Variants in SEMA6D observed in about 807,000 individuals in gnomAD.
SEMA6D encodes semaphorin-6D.
SEMA6D carries 35 observed loss-of-function variants against 106.6 expected under a neutral mutation model. That is an observed-to-expected ratio of 0.33 (90% CI 0.25 to 0.44). SEMA6D has a LOEUF of 0.44. SEMA6D is among the 20% of genes least tolerant of loss of function. SEMA6D has a pLI of 1.00. For synonymous variants in SEMA6D, 499 were observed against 487.7 expected, an observed-to-expected ratio of 1.02 and a Z score of -0.31; for missense variants, 1,185 against 1,345.9, an observed-to-expected ratio of 0.88 and a Z score of 1.87.
At chr15:47,330,937 T>C (rs765997635) in intron 1 of SEMA6D, among the ~76,000 whole-genome samples, 1 of 152,160 alleles carries the variant, frequency 6.6e-6, no homozygotes, top group Non-Finnish European at 1.5e-5. Context: ...TATGAAAGGA[T>C]GAGACACTAT....
chr15:47,666,866 C>T (rs188281816), intron 4 of SEMA6D, among the ~76,000 whole-genome samples: 4 of 152,310 alleles, frequency 2.6e-5, no homozygotes, highest in Non-Finnish European at 5.9e-5. Context: ...ATGGCTCTTA[C>T]ACGACCCTAA....
At chr15:47,524,174 G>A (rs1029383118) in intron 3 of SEMA6D, among the ~76,000 whole-genome samples, 2 of 152,002 alleles carry the variant, frequency 1.3e-5, no homozygotes, top group African/African-American at 4.8e-5. Context: ...ATGTCTCCTC[G>A]CCGACAAGAT....
At chr15:47,603,638 T>C (rs2076711748) in intron 4 of SEMA6D, among the ~76,000 whole-genome samples, 1 of 152,124 alleles carries the variant, frequency 6.6e-6, no homozygotes, top group Non-Finnish European at 1.5e-5. Flanking sequence ...AAGTTACAAA[T>C]GTGCGAAAAG....
At chr15:47,244,660 C>T (rs1028370262) in intron 1 of SEMA6D, among the ~76,000 whole-genome samples, 5 of 152,148 alleles carry the variant, frequency 3.3e-5, no homozygotes, top group African/African-American at 1.2e-4. Context: ...GGCACTGAAC[C>T]TGCCTGCCTA....
chr15:47,723,845 G>C (rs1254547317), intron 1 of SEMA6D, among the ~76,000 whole-genome samples: 1 of 152,162 alleles, frequency 6.6e-6, no homozygotes, highest in African/African-American at 2.4e-5. Flanking sequence ...CAATATGTTG[G>C]TACATATATA....
chr15:47,552,402 A>G (rs918537107), intron 3 of SEMA6D, among the ~76,000 whole-genome samples: 4 of 151,776 alleles, frequency 2.6e-5, no homozygotes, highest in African/African-American at 9.7e-5. Flanking sequence ...ATGGCTCTCA[A>G]TGTACTTTTT....
chr15:47,589,167 T>C (rs567523637), intron 3 of SEMA6D, among the ~76,000 whole-genome samples: 1 of 152,268 alleles, frequency 6.6e-6, no homozygotes, highest in South Asian at 2.1e-4. Context: ...CCCGGCAGGC[T>C]TCCTTCAGGG....
chr15:47,280,067 T>G (rs2035039140), intron 1 of SEMA6D, among the ~76,000 whole-genome samples: 1 of 151,596 alleles, frequency 6.6e-6, no homozygotes, highest in South Asian at 2.1e-4. Context: ...GGATTCCCTC[T>G]TTTTCTATTG....
chr15:47,463,346 A>C (rs2042567926), intron 2 of SEMA6D, among the ~76,000 whole-genome samples: 1 of 152,104 alleles, frequency 6.6e-6, no homozygotes, highest in Admixed American at 6.6e-5. Flanking sequence ...CTTCTCCATA[A>C]ATCCTTTGCT....
chr15:47,717,328 G>A (rs2079146679), upstream of SEMA6D: 1 of 151,976 alleles, frequency 6.6e-6, no homozygotes, highest in African/African-American at 2.4e-5. Flanking sequence ...GTTCACCCGC[G>A]AGGGCGAGCG....
chr15:47,687,010 G>A (rs1180376201), intron 4 of SEMA6D, among the ~76,000 whole-genome samples: 1 of 148,002 alleles, frequency 6.8e-6, no homozygotes, highest in Non-Finnish European at 1.5e-5. Context: ...AGGCTGTAGG[G>A]AGCTATGATT....
In SEMA6D at chr15:47,495,209, T is replaced by C. The variant is rs1321045627; in HGVS notation, c.-87+24664T>C. 2.6e-5 allele frequency among the ~76,000 whole-genome samples: 4 copies of C among 151,978 alleles called. No individual in the cohort carries two copies. In the East Asian group the frequency reaches 5.8e-4, roughly 22 times the overall value. On this transcript the variant is annotated intron_variant, in intron 3 of 19. Coordinates refer to the SEMA6D transcript ENST00000558014. Reference sequence around the variant, plus strand: ...TTAAAGAAACTCTATAAATAATAATTTGTGCAACTGTGTATTCAGAGAAGG... The same window carrying C: ...TTAAAGAAACTCTATAAATAATAATCTGTGCAACTGTGTATTCAGAGAAGG...
At chr15:47,751,488 C>G (rs1596991920) in intron 1 of SEMA6D, among the ~76,000 whole-genome samples, 1 of 152,154 alleles carries the variant, frequency 6.6e-6, no homozygotes, top group South Asian at 2.1e-4. Context: ...ACAGTAAGAG[C>G]AGTGCCCCTG....
chr15:47,279,780 A>G (rs1465057801), intron 1 of SEMA6D, among the ~76,000 whole-genome samples: 1 of 151,790 alleles, frequency 6.6e-6, no homozygotes, highest in Non-Finnish European at 1.5e-5. Context: ...ATCTATTGAG[A>G]TAATCATGTG....
chr15:47,300,430 G>C (rs965592512), intron 1 of SEMA6D, among the ~76,000 whole-genome samples: 3 of 152,038 alleles, frequency 2.0e-5, no homozygotes, highest in Admixed American at 1.3e-4. Flanking sequence ...TGAGTCCTGG[G>C]GGGGTGGGCA....
At chr15:47,513,924 A>G (rs2044309138) in intron 3 of SEMA6D, among the ~76,000 whole-genome samples, 1 of 152,232 alleles carries the variant, frequency 6.6e-6, no homozygotes, top group South Asian at 2.1e-4. Flanking sequence ...CTGTTTCAAC[A>G]AATCATATAG....
chr15:47,546,065 C>T (rs577969591), intron 3 of SEMA6D, among the ~76,000 whole-genome samples: 9 of 152,156 alleles, frequency 5.9e-5, no homozygotes, highest in African/African-American at 1.4e-4. Context: ...TATGCATAAG[C>T]GAGCAATAGG....
intron 1 of SEMA6D, among the ~76,000 whole-genome samples, chr15:47,737,675 T>C (rs917205548): frequency 1.3e-5 from 2 of 152,196 alleles, no homozygotes; most frequent in African/African-American, 4.8e-5. Context: ...TTTAACTGCT[T>C]CTCTGTGTTT....
intron 4 of SEMA6D, among the ~76,000 whole-genome samples, chr15:47,616,324 C>G (rs748687682): frequency 6.6e-6 from 1 of 152,046 alleles, no homozygotes; most frequent in Non-Finnish European, 1.5e-5. Context: ...TGCGTGCCAC[C>G]ACGCCTGGCT....
Sources: gnomAD v4.1 joint callset for allele counts (sites outside exome capture counted in the v4.1 genomes callset) on GRCh38, gnomAD v4.1.1 for gene constraint, MANE v1.5 for transcripts, NCBI Gene and HGNC (gene_info 2026-07-23, HGNC 2026-07-21) for gene names.